Variants in SGO2 observed in about 807,000 individuals in gnomAD.
SGO2 encodes the protein shugoshin 2.
A neutral mutation model predicts 99.5 loss-of-function variants in SGO2; 68 were observed. That is an observed-to-expected ratio of 0.68 (90% CI 0.56 to 0.84). The LOEUF (loss-of-function observed/expected upper bound fraction) is 0.84. SGO2 is among the 40% of genes least tolerant of loss of function. SGO2 has a pLI of 0.00. For missense variants in SGO2, 1,350 were observed against 1,436.7 expected, an observed-to-expected ratio of 0.94 and a Z score of 0.97; for synonymous variants, 457 against 487.1, an observed-to-expected ratio of 0.94 and a Z score of 0.81.
At chr2:200,532,498 ATTTC>A (rs2031457605) in intron 1 of SGO2, 1 of 943,140 alleles carries the variant, frequency 1.1e-6, no homozygotes, top group African/African-American at 1.8e-5. Context: ...TAATGTAATG[ATTTC>A]TTTATCTTCC....
In SGO2 at chr2:200,526,318, G is replaced by T. The variant is rs964824675; in HGVS notation, c.-3+66G>T. 1 of 152,270 alleles carries T rather than the reference G, an allele frequency of 6.6e-6. No individual in the cohort carries two copies. The highest frequency in any genetic ancestry group is 1.5e-5 in the Non-Finnish European group (1 of 68,074). 9.4% of individuals were successfully genotyped at this position (152,270 alleles called of 1,614,324 possible). A position where few individuals can be genotyped will look rare whatever the true frequency, so the allele number is the denominator to read the frequency against. ...CCCTGTCGGGATCGGTGTCGTTCTT[G>T]AGTCGGTTCTCTAGGCGCTGTCCGC... On this transcript the variant is annotated intron_variant, in intron 1 of 8. Coordinates refer to ENST00000357799, the MANE Select transcript of SGO2 (RefSeq NM_152524.6). The surrounding 1 kb of genome is among the most constrained non-coding windows in gnomAD (Gnocchi z 4.8).
chr2:200,537,084 G>A (rs1466900850), intron 4 of SGO2, among the ~76,000 whole-genome samples: 1 of 151,930 alleles, frequency 6.6e-6, no homozygotes, highest in Non-Finnish European at 1.5e-5. Flanking sequence ...TGATTATGTG[G>A]AGTGATTCCT....
At chr2:200,567,956 T>C (rs1452455539) in intron 5 of SGO2, among the ~76,000 whole-genome samples, 2 of 152,220 alleles carry the variant, frequency 1.3e-5, no homozygotes, top group Non-Finnish European at 2.9e-5. Context: ...ACATTTTCAG[T>C]TCTCTTGAAT....
At chr2:200,533,852 C>T (rs2031557448) in intron 2 of SGO2, among the ~76,000 whole-genome samples, 2 of 152,130 alleles carry the variant, frequency 1.3e-5, no homozygotes. Flanking sequence ...CAGCTCCCAC[C>T]TAGGTCTCTA....
In SGO2 at chr2:200,546,353, GAAAAAAAAA is replaced by G. The variant is rs772361302; in HGVS notation, c.473+3708_473+3716del. ...GGGCTATCGAGCGAGACTCCATCTGGAAAAAAAAAAAAAAAAAAAAAAAAAAAGATTTGC... is the reference window on the plus strand; with the variant it reads ...GGGCTATCGAGCGAGACTCCATCTGGAAAAAAAAAAAAAAAAAAGATTTGC... On this transcript the variant is annotated intron_variant, in intron 5 of 8. Transcript: ENST00000357799. 5.4e-4 allele frequency among the ~76,000 whole-genome samples: 23 copies of G among 42,260 alleles called. No homozygotes were observed. The East Asian group carries it at 8.6e-3, about 16-fold the overall frequency. 27.7% of individuals were successfully genotyped at this position (42,260 alleles called of 152,430 possible). A position where few individuals can be genotyped will look rare whatever the true frequency, so the allele number is the denominator to read the frequency against.
intron 8 of SGO2, chr2:200,580,482 T>C: frequency 2.3e-6 from 1 of 437,992 alleles, no homozygotes; most frequent in Non-Finnish European, 4.6e-6. Context: ...ATTTACTTTA[T>C]TATTGTTGTT....
rs202134341 is a variant in SGO2, at chr2:200,572,587, G to A, written c.2241G>A (p.Thr747=). 207 of 1,612,106 alleles carry A rather than the reference G, an allele frequency of 1.3e-4. No homozygotes were observed. Among genetic ancestry groups the A allele is most frequent in the Admixed American group, 4.2e-4 (25 of 59,862 alleles). ...TTAAAAGTCACTCACTCTTTTTAAC[G>A]CAAAAAGATAAGGAAATCATCCCTG... ...YTVKSHSLFL[T]QKDKEIIPGN... is the part of the protein sequence containing the mutation. Residue 747 remains threonine, a synonymous_variant, in exon 7 of 9, where the codon ACG becomes ACA. Coordinates refer to ENST00000357799, the MANE Select transcript of SGO2 (RefSeq NM_152524.6).
chr2:200,556,558 A>T (rs527707711), intron 5 of SGO2, among the ~76,000 whole-genome samples: 273 of 152,318 alleles, frequency 1.8e-3, no homozygotes, highest in Non-Finnish European at 3.1e-3. Flanking sequence ...GCCAGAAGTC[A>T]TACATGGAGG....
Position 200,570,953 on chromosome 2 carries a change from A to G in SGO2, c.704-97A>G, listed in dbSNP as rs2033388458. ...TGATCAGAACACATTGTCAGAAATTATATCTGTGAAACAGCTTGATTTCGA... is the reference window on the plus strand; with the variant it reads ...TGATCAGAACACATTGTCAGAAATTGTATCTGTGAAACAGCTTGATTTCGA... On this transcript the variant is annotated intron_variant, in intron 6 of 8. Coordinates refer to ENST00000357799, the MANE Select transcript of SGO2 (RefSeq NM_152524.6). The surrounding 1 kb of genome is among the most constrained non-coding windows in gnomAD (Gnocchi z 4.4). 2 of 1,124,006 alleles carry G rather than the reference A, an allele frequency of 1.8e-6. No homozygotes were observed. Among genetic ancestry groups the G allele is most frequent in the South Asian group, 1.8e-5 (1 of 56,890 alleles). 69.6% of individuals were successfully genotyped at this position (1,124,006 alleles called of 1,614,324 possible). A position where few individuals can be genotyped will look rare whatever the true frequency, so the allele number is the denominator to read the frequency against.
intron 8 of SGO2, chr2:200,580,477 C>A (rs2033806377): frequency 1.6e-5 from 7 of 436,230 alleles, no homozygotes; most frequent in South Asian, 1.2e-4. Context: ...CTTTGATTTA[C>A]TTTATTATTG....
chr2:200,580,417 C>T, intron 8 of SGO2: 1 of 378,680 alleles, frequency 2.6e-6, no homozygotes, highest in Admixed American at 3.4e-5. Context: ...TTTCTGTTCT[C>T]TACTTCACTG....
chr2:200,532,732 C>T (rs1348513974), intron 1 of SGO2, among the ~76,000 whole-genome samples: 2 of 151,992 alleles, frequency 1.3e-5, no homozygotes, highest in Non-Finnish European at 2.9e-5. Context: ...TCATCTTTCC[C>T]CTGCACCTGG....
chr2:200,547,380 C>T (rs549661032), intron 5 of SGO2, among the ~76,000 whole-genome samples: 1 of 152,250 alleles, frequency 6.6e-6, no homozygotes, highest in African/African-American at 2.4e-5. Flanking sequence ...GTGAGAAATG[C>T]AGAAGGGAGT....
At position 200,539,761 on chromosome 2, in the gene SGO2, A is replaced by G. The variant is rs76906977; in HGVS notation, c.388-2818A>G. Among the ~76,000 whole-genome samples the G allele has an allele frequency of 4.9e-3, 749 of 152,250 alleles. 5 individuals carry two copies. The highest frequency in any genetic ancestry group is 0.017 in the African/African-American group (716 of 41,554). On this transcript the variant is annotated intron_variant, in intron 4 of 8. Coordinates refer to ENST00000357799, the MANE Select transcript of SGO2 (RefSeq NM_152524.6). ...GTTGATGTCTCTATCAAGTTTGGAA[A>G]AATGTTCAGCCATAATGTCCCCAAG...
Position 200,571,032 on chromosome 2 carries a change from T to C in SGO2, c.704-18T>C. On this transcript the variant is annotated intron_variant, in intron 6 of 8. Transcript: ENST00000357799. The stretch of plus-strand genomic sequence containing the variant: ...TTTCATTACTTGTTTCTGAGTTTTG[T>C]TTTCCTTTTCTTAATAGAAAGCCAT... The C allele has an allele frequency of 6.5e-7, 1 of 1,530,594 alleles. No individual in the cohort carries two copies. 94.8% of individuals were successfully genotyped at this position (1,530,594 alleles called of 1,614,324 possible). A position where few individuals can be genotyped will look rare whatever the true frequency, so the allele number is the denominator to read the frequency against.
chr2:200,555,797 A>G (rs1344651863), intron 5 of SGO2, among the ~76,000 whole-genome samples: 1 of 152,240 alleles, frequency 6.6e-6, no homozygotes, highest in Admixed American at 6.5e-5. Flanking sequence ...AAAATATCAG[A>G]TAACACAATG....
intron 1 of SGO2, among the ~76,000 whole-genome samples, chr2:200,527,745 G>T (rs1464763875): frequency 6.6e-6 from 1 of 152,168 alleles, no homozygotes; most frequent in African/African-American, 2.4e-5. Context: ...AGGTACAGAA[G>T]CAAACAAATT....
intron 5 of SGO2, among the ~76,000 whole-genome samples, chr2:200,563,558 T>C (rs896310333): frequency 1.3e-5 from 2 of 152,232 alleles, no homozygotes. Context: ...GGTATCAGGA[T>C]GATGCTGGCC....
chr2:200,554,170 C>T (rs1343387281), intron 5 of SGO2, among the ~76,000 whole-genome samples: 1 of 152,124 alleles, frequency 6.6e-6, no homozygotes, highest in Admixed American at 6.5e-5. Context: ...AACAAACATG[C>T]TCCAAATTTT....
Sources: allele counts gnomAD v4.1 joint callset (sites outside exome capture counted in the v4.1 genomes callset), GRCh38; gene constraint gnomAD v4.1.1; non-coding constraint Gnocchi (gnomAD v3.1); transcripts MANE v1.5; gene names NCBI Gene and HGNC (gene_info 2026-07-23, HGNC 2026-07-21).